MRPS31: variants seen among roughly 807,000 people sequenced by gnomAD.
MRPS31 encodes small ribosomal subunit protein mS31.
Under a neutral mutation model 43.1 loss-of-function variants are expected in MRPS31, and 32 were observed. That is an observed-to-expected ratio of 0.74 (90% CI 0.56 to 1.00). The LOEUF is 1.00. Ranked by LOEUF, MRPS31 falls within the 50% of genes least tolerant of loss-of-function variation. MRPS31 has a pLI of 0.00. For synonymous variants in MRPS31, 165 were observed against 161.6 expected, an observed-to-expected ratio of 1.02 and a Z score of -0.16; for missense variants, 437 against 466.7, an observed-to-expected ratio of 0.94 and a Z score of 0.59.
intron 6 of MRPS31, among the ~76,000 whole-genome samples, chr13:40,737,893 C>A (rs1879968677): frequency 6.6e-6 from 1 of 151,684 alleles, no homozygotes; most frequent in Admixed American, 6.6e-5. Flanking sequence ...AAAGCAAGAG[C>A]AAATACATTC....
intron 5 of MRPS31, among the ~76,000 whole-genome samples, chr13:40,749,939 C>T (rs1566107942): frequency 6.6e-6 from 1 of 152,158 alleles, no homozygotes; most frequent in East Asian, 1.9e-4. Flanking sequence ...GTACAACCAC[C>T]TTGGAAAACA....
chr13:40,761,492 C>G (rs1026706202), intron 2 of MRPS31, among the ~76,000 whole-genome samples: 1 of 151,922 alleles, frequency 6.6e-6, no homozygotes, highest in African/African-American at 2.4e-5. Flanking sequence ...CAATGGTTTC[C>G]TATGTAGTTA....
In MRPS31 at chr13:40,770,991, A is replaced by G; in HGVS notation, c.146T>C (p.Leu49Ser). ...GTVRYRSSAL[L>S]ARTKNNIQRY... ...GGGTTGCCTGAGGACCTACCGGGCCAACAGCGCTGAACTGCGGTACCTGAC... is the reference window on the plus strand; with the variant it reads ...GGGTTGCCTGAGGACCTACCGGGCCGACAGCGCTGAACTGCGGTACCTGAC... The change falls in exon 1 of 7, where the codon TTG becomes TCG. Residue 49 changes from leucine to serine, a missense_variant. Leu to Ser is a moderately radical substitution (Grantham distance 145). Transcript: ENST00000323563. The G allele has an allele frequency of 1.2e-6, 2 of 1,614,170 alleles. No individual in the cohort carries two copies. The highest frequency in any genetic ancestry group is 1.7e-6 in the Non-Finnish European group (2 of 1,180,028).
chr13:40,745,949 T>C (rs755923405), intron 6 of MRPS31, among the ~76,000 whole-genome samples: 1 of 152,132 alleles, frequency 6.6e-6, no homozygotes, highest in Non-Finnish European at 1.5e-5. Flanking sequence ...TAAATCTCCA[T>C]GCAGGCAAAG....
intron 6 of MRPS31, among the ~76,000 whole-genome samples, chr13:40,737,568 A>G (rs1879958464): frequency 6.6e-6 from 1 of 152,226 alleles, no homozygotes; most frequent in South Asian, 2.1e-4. Flanking sequence ...AAGAACAGAC[A>G]TTATAACAAA....
At chr13:40,761,107 G>A (rs1011335635) in intron 2 of MRPS31, among the ~76,000 whole-genome samples, 40 of 144,232 alleles carry the variant, frequency 2.8e-4, no homozygotes, top group Non-Finnish European at 5.1e-4. Context: ...AAAAAGAAAA[G>A]AAAAAAAAAA....
intron 6 of MRPS31, among the ~76,000 whole-genome samples, chr13:40,744,253 C>T (rs1232379050): frequency 7.2e-5 from 11 of 152,138 alleles, no homozygotes; most frequent in South Asian, 2.1e-4. Flanking sequence ...TCAGGTATTA[C>T]GCTGATTACC....
At chr13:40,770,839 G>A in intron 1 of MRPS31, 146 bp downstream of exon 1, 1 of 1,053,330 alleles carries the variant, frequency 9.5e-7, no homozygotes, top group Non-Finnish European at 1.4e-6. Context: ...CGCACACTAT[G>A]ACCTTGGGCA....
intron 5 of MRPS31, among the ~76,000 whole-genome samples, chr13:40,750,922 T>C (rs542081045): frequency 2.3e-4 from 35 of 152,082 alleles, no homozygotes; most frequent in African/African-American, 8.2e-4. Context: ...CTAGGAACAG[T>C]TTCCGGGTTA....
At chr13:40,758,903 T>C (rs1306604251) in intron 3 of MRPS31, 45 bp downstream of exon 3, 2 of 1,461,960 alleles carry the variant, frequency 1.4e-6, no homozygotes, top group Middle Eastern at 1.8e-4. Flanking sequence ...AAATGGCCCA[T>C]TTTGAGATAT....
At chr13:40,762,799 T>C (rs1880738330) in intron 2 of MRPS31, among the ~76,000 whole-genome samples, 1 of 82,334 alleles carries the variant, frequency 1.2e-5, no homozygotes. Flanking sequence ...TGTGTGTGTG[T>C]GTGTGTGTGT....
intron 1 of MRPS31, among the ~76,000 whole-genome samples, chr13:40,767,302 C>T (rs1353250323): frequency 6.6e-6 from 1 of 152,094 alleles, no homozygotes; most frequent in Non-Finnish European, 1.5e-5. Flanking sequence ...GGATTGTAGG[C>T]ATGTGCCACC....
Position 40,764,360 on chromosome 13 carries a change from A to AT in MRPS31, c.440+2385dup, listed in dbSNP as rs113864345. On this transcript the variant is annotated intron_variant, in intron 2 of 6. Transcript: ENST00000323563. ...CTAATTATGTAAGTAGTTATATTGT[A>AT]TTTTTTTTTAATATTTTCAATCAGA... 3.4e-4 allele frequency among the ~76,000 whole-genome samples: 51 copies of AT among 151,594 alleles called. No homozygotes were observed. The Middle Eastern group carries it at 0.014, about 41-fold the overall frequency.
intron 5 of MRPS31, among the ~76,000 whole-genome samples, chr13:40,751,393 A>T (rs1304336222): frequency 1.3e-5 from 2 of 152,148 alleles, no homozygotes; most frequent in African/African-American, 4.8e-5. Context: ...ACCTCACTTA[A>T]TCTTTGAGAT....
intron 6 of MRPS31, among the ~76,000 whole-genome samples, chr13:40,733,979 A>G (rs1167090639): frequency 6.6e-6 from 1 of 150,564 alleles, no homozygotes; most frequent in Non-Finnish European, 1.5e-5. Flanking sequence ...AAAAAAAAAA[A>G]AAGGCCAGGT....
Position 40,770,997 on chromosome 13 carries a change from G to A in MRPS31, c.140C>T (p.Ala47Val). ...RHGTVRYRSS[A>V]LLARTKNNIQ... The stretch of plus-strand genomic sequence containing the variant: ...CCTGAGGACCTACCGGGCCAACAGC[G>A]CTGAACTGCGGTACCTGACTGTTCC... Residue 47 changes from alanine to valine, a missense_variant, in exon 1 of 7, where the codon GCG becomes GTG. Transcript: ENST00000323563. The A allele has an allele frequency of 1.2e-6, 2 of 1,614,150 alleles. No individual in the cohort carries two copies. The highest frequency in any genetic ancestry group is 1.7e-6 in the Non-Finnish European group (2 of 1,180,032).
intron 2 of MRPS31, among the ~76,000 whole-genome samples, chr13:40,761,780 A>G (rs577046321): frequency 1.3e-5 from 2 of 152,224 alleles, no homozygotes; most frequent in East Asian, 1.9e-4. Context: ...GATGAGGGAA[A>G]GAAACTGAGT....
At chr13:40,753,165 C>G (rs61963353) in intron 5 of MRPS31, among the ~76,000 whole-genome samples, 1 of 152,110 alleles carries the variant, frequency 6.6e-6, no homozygotes, top group Non-Finnish European at 1.5e-5. Context: ...CTCTTTTAGA[C>G]TTAAAATGGC....
chr13:40,762,599 A>AT lies in MRPS31; in HGVS notation c.441-3494dup, dbSNP rs542508914. On this transcript the variant is annotated intron_variant, in intron 2 of 6. Transcript: ENST00000323563. ...CAGGTGCATGCCATCACACCCAGCT[A>AT]TTTTTTTTTCATTTTTTGTAGAGAC... is the stretch of plus-strand genomic sequence containing the variant. Among the ~76,000 whole-genome samples, 365 of 149,110 alleles carry AT rather than the reference A, an allele frequency of 2.4e-3. 2 individuals are homozygous for AT. Among genetic ancestry groups the AT allele is most frequent in the Non-Finnish European group, 1.5e-3 (103 of 67,122 alleles).
Sources: allele counts gnomAD v4.1 joint callset (sites outside exome capture counted in the v4.1 genomes callset), GRCh38; gene constraint gnomAD v4.1.1; transcripts MANE v1.5; gene names NCBI Gene and HGNC (gene_info 2026-07-23, HGNC 2026-07-21).